SLC26A2: variants seen among roughly 807,000 people sequenced by gnomAD.
SLC26A2 encodes sulfate transporter.
A neutral mutation model predicts 41.1 loss-of-function variants in SLC26A2; 36 were observed. The observed-to-expected ratio is 0.88, with a 90% CI of 0.67 to 1.16. The LOEUF is 1.16. Among genes scored for constraint, SLC26A2 ranks in the 50% most tolerant of loss-of-function variants. SLC26A2 has a pLI of 0.00. For synonymous variants in SLC26A2, 291 were observed against 311.6 expected, an observed-to-expected ratio of 0.93 and a Z score of 0.70; for missense variants, 796 against 869.6, an observed-to-expected ratio of 0.92 and a Z score of 1.07.
intron 1 of SLC26A2, among the ~76,000 whole-genome samples, chr5:149,966,218 C>T (rs1389930656): frequency 6.6e-6 from 1 of 152,144 alleles, no homozygotes; most frequent in African/African-American, 2.4e-5. Flanking sequence ...ACTCTTATTT[C>T]TTACCAAAAA....
At chr5:149,965,013 G>A (rs372087518) in intron 1 of SLC26A2, among the ~76,000 whole-genome samples, 18 of 152,284 alleles carry the variant, frequency 1.2e-4, no homozygotes, top group East Asian at 1.2e-3. Flanking sequence ...GAGAGAGTGT[G>A]TTAACATCTT....
At chr5:149,980,161 A>T (rs1355165244) in intron 2 of SLC26A2, 132 bp from the exon 3 acceptor site, 1 of 765,944 alleles carries the variant, frequency 1.3e-6, no homozygotes, top group Non-Finnish European at 2.3e-6. Context: ...TTGATATATG[A>T]TTGTGTTTAT....
chr5:149,985,506 C>G lies in SLC26A2; in HGVS notation c.*3693C>G, dbSNP rs1755183729. 1.3e-5 allele frequency: 2 copies of G among 152,116 alleles called. No individual in the cohort carries two copies. Among genetic ancestry groups the G allele is most frequent in the Admixed American group, 6.5e-5 (1 of 15,268 alleles). 9.4% of individuals were successfully genotyped at this position (152,116 alleles called of 1,614,324 possible). ...TGGCTAGTACGTTTAAACAAAACAGCAGTTCTCTGCTGCAATATTCCCATT... is the reference window on the plus strand; with the variant it reads ...TGGCTAGTACGTTTAAACAAAACAGGAGTTCTCTGCTGCAATATTCCCATT... On this transcript the variant is annotated 3_prime_UTR_variant, in exon 3 of 3. Coordinates refer to ENST00000286298, the MANE Select transcript of SLC26A2 (RefSeq NM_000112.4).
chr5:149,981,970 C>A lies in SLC26A2; in HGVS notation c.*157C>A. The A allele has an allele frequency of 1.6e-6, 1 of 614,422 alleles. No homozygotes were observed. The highest frequency in any genetic ancestry group is 2.9e-6 in the Non-Finnish European group (1 of 349,594). The allele number at this position is 614,422 out of a possible 1,614,324, so 38.1% of individuals were successfully genotyped here. A position where few individuals can be genotyped will look rare whatever the true frequency, so the allele number is the denominator to read the frequency against. ...GAAGCTAATGGCATTTGTATATACA[C>A]ACTGCAGCAGAGCTTGTAGCTGGAC... On this transcript the variant is annotated 3_prime_UTR_variant, in exon 3 of 3. Transcript: ENST00000286298.
intron 1 of SLC26A2, among the ~76,000 whole-genome samples, chr5:149,961,234 ATC>A (rs1561808535): frequency 6.6e-6 from 1 of 152,028 alleles, no homozygotes; most frequent in Non-Finnish European, 1.5e-5. Context: ...CATCCCGCGT[ATC>A]TCGCCGTATC....
rs1755022481 is a variant in SLC26A2, at chr5:149,977,968, A to G, written c.316A>G (p.Lys106Glu). ...GTGGCTCCCAAAATACGACCTAAAG[A>G]AAAACATTTTAGGGGATGTGATGTC... The part of the protein sequence containing the change: ...LQWLPKYDLK[K>E]NILGDVMSGL... Residue 106 changes from lysine (K) to glutamate (E), a missense_variant, in exon 2 of 3, where the codon AAA becomes GAA. By Grantham distance (56) the Lys-to-Glu change is moderately conservative (BLOSUM62 1). Coordinates refer to ENST00000286298, the MANE Select transcript of SLC26A2 (RefSeq NM_000112.4). 1 of 1,614,212 alleles carries G rather than the reference A, an allele frequency of 6.2e-7. No individual in the cohort carries two copies. Among genetic ancestry groups the G allele is most frequent in the Non-Finnish European group, 8.5e-7 (1 of 1,180,024 alleles).
Position 149,982,792 on chromosome 5 carries a change from G to A in SLC26A2, c.*979G>A, listed in dbSNP as rs1434164303. 1 of 152,168 alleles carries A rather than the reference G, an allele frequency of 6.6e-6. No individual in the cohort carries two copies. The highest frequency in any genetic ancestry group is 2.4e-5 in the African/African-American group (1 of 41,442). 9.4% of individuals were successfully genotyped at this position (152,168 alleles called of 1,614,324 possible). On this transcript the variant is annotated 3_prime_UTR_variant, in exon 3 of 3. Coordinates refer to ENST00000286298, the MANE Select transcript of SLC26A2 (RefSeq NM_000112.4). ...CTTTTAACTCTTCAAGTCACCTAAA[G>A]CTATTATGCAGGAGGATTTAGAAGT...
intron 1 of SLC26A2, among the ~76,000 whole-genome samples, chr5:149,967,240 T>G (rs1475912804): frequency 1.3e-5 from 2 of 152,210 alleles, no homozygotes; most frequent in African/African-American, 4.8e-5. Flanking sequence ...GAATTAGACT[T>G]TATAGCTTTA....
intron 1 of SLC26A2, among the ~76,000 whole-genome samples, chr5:149,977,035 C>T (rs191656596): frequency 2.4e-4 from 37 of 152,350 alleles, no homozygotes; most frequent in Admixed American, 1.4e-3. Flanking sequence ...TGTTCAAAGA[C>T]GCAAATGCAT....
chr5:149,974,380 T>C (rs1166847273), intron 1 of SLC26A2, among the ~76,000 whole-genome samples: 2 of 151,628 alleles, frequency 1.3e-5, no homozygotes, highest in Non-Finnish European at 2.9e-5. Flanking sequence ...TTTACTCTTC[T>C]TGGAATTCTC....
chr5:149,965,202 G>A (rs757618820), intron 1 of SLC26A2, among the ~76,000 whole-genome samples: 5 of 152,202 alleles, frequency 3.3e-5, no homozygotes, highest in Non-Finnish European at 5.9e-5. Context: ...GCTGTGTGTG[G>A]CTGGGCGCGG....
rs116302615 is a variant in SLC26A2 at position 149,980,580 on chromosome 5, T to C, written c.987T>C (p.Leu329=). The C allele has an allele frequency of 3.3e-3, 5,388 of 1,614,184 alleles. 19 individuals carry two copies. Among genetic ancestry groups the C allele is most frequent in the Non-Finnish European group, 4.0e-3 (4,706 of 1,180,026 alleles). The stretch of plus-strand genomic sequence containing the variant: ...TCAATGAACACTTCAAATCCAAGCT[T>C]AAGGCACCGATTCCTATTGAACTTG... ...KELNEHFKSK[L]KAPIPIELVV... Residue 329 remains leucine, a synonymous_variant, in exon 3 of 3, where the codon CTT becomes CTC. Coordinates refer to ENST00000286298, the MANE Select transcript of SLC26A2 (RefSeq NM_000112.4).
In SLC26A2 at chr5:149,977,948, T is replaced by C. The variant is rs1288028600; in HGVS notation, c.296T>C (p.Leu99Pro). ...GGTTTCCTTCCTGTTTTGCAGTGGC[T>C]CCCAAAATACGACCTAAAGAAAAAC... ...ILGFLPVLQWLPKYDLKKNIL... is the reference protein window; with the variant it reads ...ILGFLPVLQWPPKYDLKKNIL... Residue 99 changes from leucine to proline, a missense_variant, in exon 2 of 3, where the codon CTC becomes CCC. Leu to Pro is a moderately conservative substitution (Grantham distance 98). Transcript: ENST00000286298. 25 of 1,614,094 alleles carry C rather than the reference T, an allele frequency of 1.5e-5. No individual in the cohort carries two copies. Among genetic ancestry groups the C allele is most frequent in the Non-Finnish European group, 2.1e-5 (25 of 1,180,038 alleles).
At position 149,985,349 on chromosome 5, in the gene SLC26A2, G is replaced by GGA. The variant is rs1178126837; in HGVS notation, c.*3536_*3537insGA. On this transcript the variant is annotated 3_prime_UTR_variant, in exon 3 of 3. Transcript: ENST00000286298. Reference sequence around the variant, plus strand: ...TAGGACCAAAGGAAAACAAGATTTAGATAGTCTGACTTTGCTTTTGAACAA... The same window carrying GGA: ...TAGGACCAAAGGAAAACAAGATTTAGGAATAGTCTGACTTTGCTTTTGAACAA... 4 of 152,156 alleles carry GGA rather than the reference G, an allele frequency of 2.6e-5. No individual in the cohort carries two copies. The highest frequency in any genetic ancestry group is 5.9e-5 in the Non-Finnish European group (4 of 68,022). 9.4% of individuals were successfully genotyped at this position (152,156 alleles called of 1,614,324 possible).
chr5:149,978,773 C>T (rs548963158), intron 2 of SLC26A2, among the ~76,000 whole-genome samples: 17 of 152,072 alleles, frequency 1.1e-4, no homozygotes, highest in South Asian at 4.2e-4. Context: ...CTGCAACGTC[C>T]GCCTCCCTGG....
chr5:149,963,669 C>T (rs1250797117), intron 1 of SLC26A2, among the ~76,000 whole-genome samples: 1 of 151,768 alleles, frequency 6.6e-6, no homozygotes, highest in Non-Finnish European at 1.5e-5. Flanking sequence ...CCTGCCTTGG[C>T]CCCCCAAAGT....
chr5:149,963,401 C>T (rs1050825782), intron 1 of SLC26A2, among the ~76,000 whole-genome samples: 1 of 152,082 alleles, frequency 6.6e-6, no homozygotes, highest in Non-Finnish European at 1.5e-5. Context: ...GCCTCAGCCT[C>T]CTGAGTAGCT....
chr5:149,964,713 C>T (rs1581225225), intron 1 of SLC26A2, among the ~76,000 whole-genome samples: 1 of 147,596 alleles, frequency 6.8e-6, no homozygotes, highest in African/African-American at 2.5e-5. Flanking sequence ...GGAGGAGGAG[C>T]TTGCAGTGAG....
chr5:149,980,591 T>C lies in SLC26A2; in HGVS notation c.998T>C (p.Ile333Thr), dbSNP rs762028579. The C allele has an allele frequency of 7.4e-6, 12 of 1,614,186 alleles. No individual in the cohort carries two copies. Among genetic ancestry groups the C allele is most frequent in the Non-Finnish European group, 1.0e-5 (12 of 1,180,024 alleles). Residue 333 changes from isoleucine to threonine, a missense_variant, in exon 3 of 3, where the codon ATT becomes ACT. By Grantham distance (89) the Ile-to-Thr change is moderately conservative. Coordinates refer to ENST00000286298, the MANE Select transcript of SLC26A2 (RefSeq NM_000112.4). ...EHFKSKLKAP[I>T]PIELVVVVAA... ...TTCAAATCCAAGCTTAAGGCACCGA[T>C]TCCTATTGAACTTGTTGTTGTTGTA... is the stretch of plus-strand genomic sequence containing the variant.
Sources: allele counts gnomAD v4.1 joint callset (sites outside exome capture counted in the v4.1 genomes callset), GRCh38; gene constraint gnomAD v4.1.1; transcripts MANE v1.5; gene names NCBI Gene and HGNC (gene_info 2026-07-23, HGNC 2026-07-21).